The following UTRN variants were observed in gnomAD, a reference collection of about 807,000 sequenced individuals.
UTRN encodes utrophin, also known as dystrophin-related protein 1.
UTRN carries 283 observed loss-of-function variants against 463.9 expected under a neutral mutation model. The observed-to-expected ratio is 0.61, with a 90% CI of 0.55 to 0.67. The LOEUF (loss-of-function observed/expected upper bound fraction) is 0.67. Among genes scored for constraint, UTRN ranks in the 30% least tolerant of loss-of-function variants. The pLI is 0.00. For synonymous variants in UTRN, 1,442 were observed against 1,431.5 expected (o/e 1.01, Z -0.17); for missense variants, 3,922 against 4,084.3 (o/e 0.96, Z 1.08).
At chr6:144,404,015 A>C (rs1049253798) in intron 3 of UTRN, among the ~76,000 whole-genome samples, 7 of 152,218 alleles carry the variant, frequency 4.6e-5, no homozygotes, top group Non-Finnish European at 7.3e-5. Context: ...GTTGCTTTTC[A>C]AAAGTTGTAA....
chr6:144,416,966 CAAAATTGAAATAA>C (rs1230089465), intron 3 of UTRN, among the ~76,000 whole-genome samples: 1 of 152,090 alleles, frequency 6.6e-6, no homozygotes, highest in East Asian at 1.9e-4. Flanking sequence ...GCAAAGATTT[CAAAATTGAAATAA>C]GAGGTTAACT....
intron 51 of UTRN, among the ~76,000 whole-genome samples, chr6:144,663,737 A>C (rs1016714581): frequency 2.0e-5 from 3 of 152,204 alleles, no homozygotes; most frequent in Non-Finnish European, 4.4e-5. Flanking sequence ...GCTTCCTATC[A>C]TAACAACACA....
At chr6:144,623,067 A>T (rs563572546) in intron 51 of UTRN, among the ~76,000 whole-genome samples, 3 of 152,322 alleles carry the variant, frequency 2.0e-5, no homozygotes, top group Non-Finnish European at 4.4e-5. Flanking sequence ...AGATAAACTT[A>T]TTTTCCCACT....
chr6:144,700,299 T>C (rs1784449422), intron 53 of UTRN, 56 bp downstream of exon 53: 13 of 1,512,348 alleles, frequency 8.6e-6, no homozygotes, highest in Non-Finnish European at 1.2e-5. Flanking sequence ...AGGTAGATAT[T>C]TGAAATACAA....
intron 17 of UTRN, among the ~76,000 whole-genome samples, chr6:144,450,508 AC>A (rs1465688414): frequency 2.0e-5 from 3 of 152,016 alleles, no homozygotes; most frequent in Non-Finnish European, 4.4e-5. Context: ...ATTAGAAGCC[AC>A]TCCTGTGAAT....
intron 53 of UTRN, chr6:144,706,778 T>G (rs1455124791): frequency 1.3e-5 from 2 of 152,274 alleles, no homozygotes; most frequent in Non-Finnish European, 2.9e-5. Context: ...TTACAAATTT[T>G]AACAAAATTC....
At chr6:144,822,931 T>C (rs1779726522) in intron 66 of UTRN, among the ~76,000 whole-genome samples, 2 of 152,150 alleles carry the variant, frequency 1.3e-5, no homozygotes, top group South Asian at 4.1e-4. Flanking sequence ...ATCACAAATA[T>C]CTACACGCTT....
intron 55 of UTRN, among the ~76,000 whole-genome samples, chr6:144,748,963 T>C (rs1245099058): frequency 6.6e-6 from 1 of 151,924 alleles, no homozygotes; most frequent in Admixed American, 6.6e-5. Context: ...GGTTCCTCTC[T>C]ACTCGGTATC....
chr6:144,801,684 A>G (rs1777711696), intron 64 of UTRN, among the ~76,000 whole-genome samples: 1 of 152,190 alleles, frequency 6.6e-6, no homozygotes, highest in South Asian at 2.1e-4. Context: ...CAATTCCTTA[A>G]TAGTAGTTGC....
intron 68 of UTRN, among the ~76,000 whole-genome samples, chr6:144,827,909 G>A (rs1458791001): frequency 1.3e-5 from 2 of 152,088 alleles, no homozygotes; most frequent in Non-Finnish European, 2.9e-5. Context: ...TGATTCTCCA[G>A]CTAATGAGAA....
At chr6:144,621,141 C>T (rs529587726) in intron 51 of UTRN, among the ~76,000 whole-genome samples, 59 of 152,056 alleles carry the variant, frequency 3.9e-4, no homozygotes, top group Non-Finnish European at 7.4e-4. Context: ...GGGTTGTTGT[C>T]AAGATTAAAT....
rs761583231 is a variant in UTRN, at chr6:144,774,392, T to C, written c.8632+28T>C. The C allele has an allele frequency of 5.2e-6, 8 of 1,540,880 alleles. No homozygotes were observed. In the African/African-American group the frequency reaches 8.9e-5, roughly 17 times the overall value. On this transcript the variant is annotated intron_variant, in intron 60 of 74. Coordinates refer to ENST00000367545, the MANE Select transcript of UTRN (RefSeq NM_007124.3). The stretch of plus-strand genomic sequence containing the variant: ...GAGTTATTCTACCAAAGTTAATCAA[T>C]CTGTTACTTGAATTGCGTTTTTTTT...
chr6:144,814,975 G>A (rs907971968), intron 65 of UTRN, among the ~76,000 whole-genome samples: 1 of 152,140 alleles, frequency 6.6e-6, no homozygotes, highest in African/African-American at 2.4e-5. Flanking sequence ...CCAGCTCTGT[G>A]CAAAGAAAAA....
chr6:144,303,339 T>C (rs981906044), intron 2 of UTRN, among the ~76,000 whole-genome samples: 1 of 152,242 alleles, frequency 6.6e-6, no homozygotes, highest in Non-Finnish European at 1.5e-5. Context: ...TGGGACTTTT[T>C]AGTAACAGTA....
In UTRN at chr6:144,699,918, T is replaced by C. The variant is rs1271808310; in HGVS notation, c.7653-169T>C. Among the ~76,000 whole-genome samples the C allele has an allele frequency of 3.4e-5, 5 of 148,568 alleles. No individual in the cohort carries two copies. In the East Asian group the frequency reaches 5.8e-4, roughly 17 times the overall value. ...ATCATACATATATATGTATATATAGTATATTATAAATACATATATATATGT... is the reference window on the plus strand; with the variant it reads ...ATCATACATATATATGTATATATAGCATATTATAAATACATATATATATGT... On this transcript the variant is annotated intron_variant, in intron 52 of 74. Transcript: ENST00000367545.
chr6:144,540,575 T>G (rs1479126648), intron 45 of UTRN, among the ~76,000 whole-genome samples: 1 of 152,250 alleles, frequency 6.6e-6, no homozygotes, highest in East Asian at 1.9e-4. Context: ...CTTAAATGTC[T>G]AATAGGCACC....
At chr6:144,782,495 T>A (rs1270108847) in intron 61 of UTRN, among the ~76,000 whole-genome samples, 1 of 152,130 alleles carries the variant, frequency 6.6e-6, no homozygotes, top group Non-Finnish European at 1.5e-5. Context: ...TTGTTATGAA[T>A]TACAGTAATT....
intron 54 of UTRN, among the ~76,000 whole-genome samples, chr6:144,737,935 A>G (rs940757275): frequency 3.3e-5 from 5 of 152,064 alleles, no homozygotes; most frequent in African/African-American, 4.8e-5. Context: ...AGCAACTTTC[A>G]TATTCATTCT....
intron 51 of UTRN, among the ~76,000 whole-genome samples, chr6:144,648,968 G>A (rs1778539259): frequency 6.6e-6 from 1 of 152,006 alleles, no homozygotes; most frequent in Non-Finnish European, 1.5e-5. Context: ...ACTCCCTTGG[G>A]GTGACAAGGA....
Sources: gnomAD v4.1 joint callset for allele counts (sites outside exome capture counted in the v4.1 genomes callset) on GRCh38, gnomAD v4.1.1 for gene constraint, MANE v1.5 for transcripts, NCBI Gene and HGNC (gene_info 2026-07-23, HGNC 2026-07-21) for gene names.